The following SLC43A2 variants were observed in gnomAD, a reference collection of about 807,000 sequenced individuals.
SLC43A2 encodes the protein solute carrier family 43 member 2, also known as large neutral amino acids transporter small subunit 4.
A neutral mutation model predicts 63.2 loss-of-function variants in SLC43A2; 38 were observed. The observed-to-expected ratio is 0.60, with a 90% CI of 0.46 to 0.79. The LOEUF (loss-of-function observed/expected upper bound fraction) is 0.79. Among genes scored for constraint, SLC43A2 ranks in the 30% least tolerant of loss-of-function variants. SLC43A2 has a pLI of 0.00. For synonymous variants in SLC43A2, 322 were observed against 331.0 expected (o/e 0.97, Z 0.30); for missense variants, 644 against 756.2 (o/e 0.85, Z 1.74).
chr17:1,607,224 C>T (rs985019652), intron 5 of SLC43A2, among the ~76,000 whole-genome samples: 3 of 152,174 alleles, frequency 2.0e-5, no homozygotes, highest in African/African-American at 4.8e-5. Context: ...TTCCTAAAGG[C>T]GACCCTGGAG....
At chr17:1,586,490 T>A (rs1174996971) in intron 9 of SLC43A2, among the ~76,000 whole-genome samples, 4 of 151,302 alleles carry the variant, frequency 2.6e-5, no homozygotes, top group Non-Finnish European at 4.4e-5. Flanking sequence ...AGGTCAGGAG[T>A]TCGAGACCAG....
rs55672750 is a variant in SLC43A2 at position 1,615,171 on chromosome 17, G to A, written c.369-137C>T. 713 of 973,108 alleles carry A rather than the reference G, an allele frequency of 7.3e-4. 1 individual carries two copies. The highest frequency in any genetic ancestry group is 1.0e-3 in the Non-Finnish European group (644 of 637,650). The allele number at this position is 973,108 out of a possible 1,614,324, so 60.3% of individuals were successfully genotyped here. ...CACCCGGGCTGGAGTGCAGTGGCGC[G>A]ATCTCGGCTCACTGCAACCTCCGCC... On this transcript the variant is annotated intron_variant, in intron 3 of 13. Transcript: ENST00000301335.
intron 5 of SLC43A2, among the ~76,000 whole-genome samples, chr17:1,610,511 C>G (rs924419438): frequency 2.1e-5 from 3 of 145,694 alleles, no homozygotes; most frequent in African/African-American, 7.6e-5. Flanking sequence ...TCAAATGATC[C>G]TCCCACCTTA....
At chr17:1,598,205 G>C (rs1292522441) in intron 5 of SLC43A2, among the ~76,000 whole-genome samples, 1 of 152,214 alleles carries the variant, frequency 6.6e-6, no homozygotes, top group Admixed American at 6.5e-5. Context: ...GGTGGACCAT[G>C]AGGTCAGGAG....
At position 1,593,356 on chromosome 17, in the gene SLC43A2, G is replaced by T. The variant is rs1904998628; in HGVS notation, c.502-77C>A. ...GGGAGGAGGAGGGGACAGAGAACTA[G>T]GCCCCATGAGGCCCCTTCTTCACCT... On this transcript the variant is annotated intron_variant, in intron 5 of 13. Transcript: ENST00000301335. This position sits in a 1 kb window ranked among gnomAD's most constrained non-coding sequence, Gnocchi z 5.3. 1 of 1,252,742 alleles carries T rather than the reference G, an allele frequency of 8.0e-7. No homozygotes were observed. Among genetic ancestry groups the T allele is most frequent in the South Asian group, 1.3e-5 (1 of 79,666 alleles). 77.6% of individuals were successfully genotyped at this position (1,252,742 alleles called of 1,614,324 possible). A position where few individuals can be genotyped will look rare whatever the true frequency, so the allele number is the denominator to read the frequency against.
At chr17:1,581,830 C>G (rs775546562) in intron 11 of SLC43A2, among the ~76,000 whole-genome samples, 1,562 of 149,210 alleles carry the variant, frequency 0.01, 10 homozygotes, top group Non-Finnish European at 0.017. Flanking sequence ...TTTTGAGACA[C>G]AGCCTCACTC....
intron 5 of SLC43A2, among the ~76,000 whole-genome samples, chr17:1,607,097 C>A (rs1228352443): frequency 1.3e-5 from 2 of 149,280 alleles, no homozygotes; most frequent in African/African-American, 4.9e-5. Context: ...ACAAAGGCCC[C>A]GGGACCCAGG....
chr17:1,593,208 T>C lies in SLC43A2; in HGVS notation c.573A>G (p.Ala191=), dbSNP rs770357368. The C allele has an allele frequency of 1.2e-6, 2 of 1,614,008 alleles. No individual in the cohort carries two copies. The highest frequency in any genetic ancestry group is 1.3e-5 in the African/African-American group (1 of 75,040). Residue 191 remains alanine (A), a synonymous_variant, in exon 6 of 14, where the codon GCA becomes GCG. Coordinates refer to ENST00000301335, the MANE Select transcript of SLC43A2 (RefSeq NM_152346.3). This position sits in a 1 kb window ranked among gnomAD's most constrained non-coding sequence, Gnocchi z 5.3. ...TCACCTTGATTCCTGGAAAGGTGAC[T>C]GCCGAGGAGGCGTAGGACCCAATCA... The part of the protein sequence containing the change: ...ALMIGSYASS[A]VTFPGIKLIY...
chr17:1,621,098 C>T (rs1908111656), intron 2 of SLC43A2, among the ~76,000 whole-genome samples: 1 of 152,182 alleles, frequency 6.6e-6, no homozygotes. Context: ...AGGAACAGGG[C>T]TGCTTAGGAG....
rs2151027187 is a variant in SLC43A2, at chr17:1,577,355, T to C, written c.1425-635A>G. ...GAGGAGTGTGGAGGCTGGGCTTGGC[T>C]CTGCAGTGCCCTCGTCCAGAGAAGC... On this transcript the variant is annotated intron_variant, in intron 12 of 13. Coordinates refer to ENST00000301335, the MANE Select transcript of SLC43A2 (RefSeq NM_152346.3). This position sits in a 1 kb window ranked among gnomAD's most constrained non-coding sequence, Gnocchi z 4.9. 6.6e-6 allele frequency among the ~76,000 whole-genome samples: 1 copy of C among 152,288 alleles called. No individual in the cohort carries two copies.
At position 1,606,114 on chromosome 17, in the gene SLC43A2, G is replaced by A. The variant is rs997972550; in HGVS notation, c.501+7081C>T. ...CAGGCACTGGGCACTGGCAAGTCCC[G>A]CTCACCAGGCACCTAGACCCTCCAG... On this transcript the variant is annotated intron_variant, in intron 5 of 13. Transcript: ENST00000301335. This position sits in a 1 kb window ranked among gnomAD's most constrained non-coding sequence, Gnocchi z 4.7. 5.9e-5 allele frequency among the ~76,000 whole-genome samples: 9 copies of A among 152,260 alleles called. No individual in the cohort carries two copies. The highest frequency in any genetic ancestry group is 3.3e-4 in the Admixed American group (5 of 15,298).
intron 5 of SLC43A2, among the ~76,000 whole-genome samples, chr17:1,595,450 G>GT (rs530702250): frequency 2.0e-4 from 29 of 148,410 alleles, no homozygotes; most frequent in Middle Eastern, 3.5e-3. Context: ...CCAGCTAGTG[G>GT]TTTTTTTTTT....
chr17:1,612,183 C>T (rs1274685028), intron 5 of SLC43A2, among the ~76,000 whole-genome samples: 1 of 152,126 alleles, frequency 6.6e-6, no homozygotes, highest in African/African-American at 2.4e-5. Context: ...AGGCTGGTCT[C>T]AAACTCCTGA....
At position 1,627,838 on chromosome 17, in the gene SLC43A2, A is replaced by T. The variant is rs1908815333; in HGVS notation, c.37T>A (p.Trp13Arg). The T allele has an allele frequency of 6.3e-7, 1 of 1,588,498 alleles. No individual in the cohort carries two copies. Among genetic ancestry groups the T allele is most frequent in the Non-Finnish European group, 8.6e-7 (1 of 1,167,776 alleles). ...AGCACGGCCGTGCAGGCCATCCACC[A>T]GCGGCGCCGATGGGCAGTGGCCAGG... ...PTLATAHRRRWWMACTAVLEN... is the reference protein window; with the variant it reads ...PTLATAHRRRRWMACTAVLEN... Residue 13 changes from tryptophan (W) to arginine (R), a missense_variant, in exon 2 of 14, where the codon TGG (tryptophan) becomes AGG (arginine). Coordinates refer to ENST00000301335, the MANE Select transcript of SLC43A2 (RefSeq NM_152346.3).
Position 1,587,085 on chromosome 17 carries a change from A to ACTGCGTTTCCCG in SLC43A2, c.1079-1035_1079-1034insCGGGAAACGCAG, listed in dbSNP as rs1555537667. ...ATGCCCAGCACGCACTGCATTTCCC[A>ACTGCGTTTCCCG]CACTGCGTTTCCCGCACTGCATTTC... is the stretch of plus-strand genomic sequence containing the variant. On this transcript the variant is annotated intron_variant, in intron 9 of 13. Coordinates refer to ENST00000301335, the MANE Select transcript of SLC43A2 (RefSeq NM_152346.3). 110 of 697,052 alleles carry ACTGCGTTTCCCG rather than the reference A, an allele frequency of 1.6e-4. 1 individual carries two copies. Among genetic ancestry groups the ACTGCGTTTCCCG allele is most frequent in the Non-Finnish European group, 2.2e-4 (94 of 431,940 alleles). 43.2% of individuals were successfully genotyped at this position (697,052 alleles called of 1,614,324 possible).
At chr17:1,615,079 A>G (rs1452904770) in intron 3 of SLC43A2, 45 bp from the exon 4 acceptor site, 4 of 1,608,898 alleles carry the variant, frequency 2.5e-6, no homozygotes, top group Non-Finnish European at 3.4e-6. Context: ...TTATGACTTT[A>G]TTCAGTGTTA....
chr17:1,576,035 C>T (rs1359486036), intron 13 of SLC43A2, among the ~76,000 whole-genome samples: 5 of 149,488 alleles, frequency 3.3e-5, no homozygotes, highest in African/African-American at 1.2e-4. Context: ...GTGAGGAAAT[C>T]TGGCCCTCGG....
chr17:1,600,187 G>A (rs1471055128), intron 5 of SLC43A2, among the ~76,000 whole-genome samples: 1 of 77,644 alleles, frequency 1.3e-5, no homozygotes, highest in Admixed American at 2.3e-4. Context: ...GTCTGGCTCT[G>A]TCACCCAGGC....
chr17:1,591,739 G>GGGGGGGGGCGGGGC, intron 6 of SLC43A2, 40 bp from the exon 7 acceptor site: 1 of 512,310 alleles, frequency 2.0e-6, no homozygotes, highest in Non-Finnish European at 3.9e-6. Context: ...GGGGGAGGGG[G>GGGGGGGGGCGGGGC]CAGAGTTAGC....
Sources: gnomAD v4.1 joint callset for allele counts (sites outside exome capture counted in the v4.1 genomes callset) on GRCh38, gnomAD v4.1.1 for gene constraint, Gnocchi (gnomAD v3.1) non-coding constraint, MANE v1.5 for transcripts, NCBI Gene and HGNC (gene_info 2026-07-23, HGNC 2026-07-21) for gene names.